CTNNA2: variants seen among roughly 807,000 people sequenced by gnomAD.
The protein encoded by CTNNA2 is catenin alpha-2.
CTNNA2 carries 42 observed loss-of-function variants against 101.0 expected under a neutral mutation model. That is an observed-to-expected ratio of 0.42 (90% CI 0.32 to 0.54). The LOEUF (loss-of-function observed/expected upper bound fraction) is 0.54, where lower values mean the gene tolerates loss of function less well. Ranked by LOEUF, CTNNA2 falls within the 20% of genes least tolerant of loss-of-function variation. The pLI is 0.14. For synonymous variants in CTNNA2, 450 were observed against 456.4 expected (o/e 0.99, Z 0.18); for missense variants, 871 against 1,223.1 (o/e 0.71, Z 4.29).
chr2:80,429,359 G>C (rs1170546143), intron 9 of CTNNA2, among the ~76,000 whole-genome samples: 1 of 152,106 alleles, frequency 6.6e-6, no homozygotes, highest in African/African-American at 2.4e-5. Context: ...GAGGTTTTAA[G>C]AAGTTTAATA....
intron 8 of CTNNA2, among the ~76,000 whole-genome samples, chr2:80,415,359 C>T (rs559721881): frequency 2.0e-4 from 30 of 152,278 alleles, no homozygotes; most frequent in African/African-American, 6.3e-4. Flanking sequence ...TTTGTACACT[C>T]CTGGCCTCAG....
At chr2:79,621,649 C>A (rs1348134025) in intron 1 of CTNNA2, among the ~76,000 whole-genome samples, 1 of 152,138 alleles carries the variant, frequency 6.6e-6, no homozygotes, top group Non-Finnish European at 1.5e-5. Flanking sequence ...AGAGTAATTT[C>A]AAATTATTTA....
At chr2:80,319,958 G>C (rs974393188) in intron 7 of CTNNA2, among the ~76,000 whole-genome samples, 7 of 152,204 alleles carry the variant, frequency 4.6e-5, no homozygotes, top group African/African-American at 1.7e-4. Context: ...TTTGGGAGCA[G>C]ATAAGAGAGG....
At chr2:80,137,976 C>A (rs1320854824) in intron 7 of CTNNA2, among the ~76,000 whole-genome samples, 1 of 152,034 alleles carries the variant, frequency 6.6e-6, no homozygotes, top group Non-Finnish European at 1.5e-5. Context: ...ATTCTGGTGG[C>A]ATATGGACAA....
intron 7 of CTNNA2, among the ~76,000 whole-genome samples, chr2:79,962,595 G>A (rs569028996): frequency 2.6e-4 from 39 of 152,246 alleles, no homozygotes; most frequent in African/African-American, 8.7e-4. Context: ...CATATAATAT[G>A]CCATATTAAT....
chr2:80,522,305 A>G (rs936244540), intron 9 of CTNNA2, among the ~76,000 whole-genome samples: 1 of 152,154 alleles, frequency 6.6e-6, no homozygotes, highest in African/African-American at 2.4e-5. Context: ...CTTCTGTAGC[A>G]AGAGGATGGG....
intron 4 of CTNNA2, among the ~76,000 whole-genome samples, chr2:79,488,552 G>A (rs775404689): frequency 3.3e-5 from 5 of 152,128 alleles, no homozygotes; most frequent in Non-Finnish European, 5.9e-5. Flanking sequence ...ATTTAACTGA[G>A]TAACTGAGTA....
At chr2:80,339,789 C>T (rs1436464217) in intron 7 of CTNNA2, among the ~76,000 whole-genome samples, 1 of 152,162 alleles carries the variant, frequency 6.6e-6, no homozygotes, top group Admixed American at 6.5e-5. Flanking sequence ...CTAGGTATAA[C>T]TGAAGAAATC....
chr2:79,717,210 C>A (rs182170059), intron 2 of CTNNA2, among the ~76,000 whole-genome samples: 25 of 152,196 alleles, frequency 1.6e-4, no homozygotes, highest in Admixed American at 1.3e-3. Flanking sequence ...ATGTAAGTAT[C>A]TTATTTTGAT....
chr2:79,921,790 G>C (rs1417990958), intron 7 of CTNNA2, among the ~76,000 whole-genome samples: 1 of 152,180 alleles, frequency 6.6e-6, no homozygotes, highest in Non-Finnish European at 1.5e-5. Context: ...TTTACACCTT[G>C]AATTGAGCTT....
chr2:79,879,166 TC>T (rs1283132712), intron 6 of CTNNA2, among the ~76,000 whole-genome samples: 4 of 152,190 alleles, frequency 2.6e-5, no homozygotes, highest in African/African-American at 9.6e-5. Flanking sequence ...TCTCTTCTGT[TC>T]CGTTGGTCTG....
At chr2:79,423,976 T>TA (rs1013621561) in intron 4 of CTNNA2, among the ~76,000 whole-genome samples, 8 of 151,992 alleles carry the variant, frequency 5.3e-5, no homozygotes, top group African/African-American at 1.4e-4. Flanking sequence ...TCAAGACAAA[T>TA]AAAAAAACCT....
At chr2:79,721,643 A>C (rs1686497227) in intron 2 of CTNNA2, among the ~76,000 whole-genome samples, 2 of 152,196 alleles carry the variant, frequency 1.3e-5, no homozygotes, top group African/African-American at 4.8e-5. Flanking sequence ...ACACATACTT[A>C]TCCCTGAATA....
intron 2 of CTNNA2, among the ~76,000 whole-genome samples, chr2:79,264,211 G>A (rs1674961012): frequency 6.6e-6 from 1 of 152,172 alleles, no homozygotes; most frequent in Non-Finnish European, 1.5e-5. Flanking sequence ...AGTGTGCTAT[G>A]TGGTAGGGTG....
chr2:79,410,482 A>T (rs2104490654), intron 4 of CTNNA2, among the ~76,000 whole-genome samples: 1 of 152,214 alleles, frequency 6.6e-6, no homozygotes, highest in South Asian at 2.1e-4. Context: ...TCCCATCAAT[A>T]CCTAATTTAT....
At chr2:80,467,707 T>A (rs1189090070) in intron 9 of CTNNA2, among the ~76,000 whole-genome samples, 1 of 152,176 alleles carries the variant, frequency 6.6e-6, no homozygotes, top group Non-Finnish European at 1.5e-5. Flanking sequence ...CCCAATGTAA[T>A]AGTATTAATA....
chr2:79,275,278 G>C (rs914942234), intron 2 of CTNNA2, among the ~76,000 whole-genome samples: 4 of 152,016 alleles, frequency 2.6e-5, no homozygotes, highest in Admixed American at 6.6e-5. Flanking sequence ...AGGATCAAAG[G>C]TAGGGGCACT....
intron 3 of CTNNA2, among the ~76,000 whole-genome samples, chr2:79,364,504 T>C (rs1211166809): frequency 1.3e-5 from 2 of 152,210 alleles, no homozygotes; most frequent in African/African-American, 4.8e-5. Flanking sequence ...GGTTTTGAAA[T>C]TCTGTGGATA....
chr2:79,504,595 T>C lies in CTNNA2; in HGVS notation c.-134-459T>C, dbSNP rs1397837220. 2.6e-5 allele frequency among the ~76,000 whole-genome samples: 4 copies of C among 152,154 alleles called. No individual in the cohort carries two copies. The East Asian group carries it at 7.7e-4, about 29-fold the overall frequency. ...GTGAGCCACCGCACCCGACCTACAA[T>C]TTAATCTTTAATGACGGAGTATCTG... On this transcript the variant is annotated intron_variant, in intron 4 of 21. Transcript: ENST00000466387.
Sources: gnomAD v4.1 joint callset for allele counts (sites outside exome capture counted in the v4.1 genomes callset) on GRCh38, gnomAD v4.1.1 for gene constraint, MANE v1.5 for transcripts, NCBI Gene and HGNC (gene_info 2026-07-23, HGNC 2026-07-21) for gene names.